The following ABL1 variants were observed in gnomAD, a reference collection of about 807,000 sequenced individuals.
ABL1 encodes ABL proto-oncogene 1, non-receptor tyrosine kinase.
In ABL1, 11 loss-of-function variants were observed where a neutral mutation model predicts 94.7. The ratio of observed to expected loss-of-function variants is 0.12; its 90% CI spans 0.07 to 0.19. The LOEUF (loss-of-function observed/expected upper bound fraction) is 0.19. Among genes scored for constraint, ABL1 ranks in the 10% least tolerant of loss-of-function variants. The probability of loss-of-function intolerance (pLI) is 1.00; values close to 1 mark genes in which losing one functional copy is unlikely to be tolerated. For synonymous variants in ABL1, 656 were observed against 622.4 expected, an observed-to-expected ratio of 1.05 and a Z score of -0.80; for missense variants, 1,082 against 1,489.4, an observed-to-expected ratio of 0.73 and a Z score of 4.50.
At chr9:130,877,383 T>C (rs781464557) in intron 7 of ABL1, among the ~76,000 whole-genome samples, 15 of 148,170 alleles carry the variant, frequency 1.0e-4, no homozygotes, top group Non-Finnish European at 1.9e-4. Flanking sequence ...ATGAAATGTT[T>C]AGAGTTAGAA....
In ABL1 at chr9:130,885,452, C is replaced by T. The variant is rs775473443; in HGVS notation, c.3162C>T (p.Ser1054=). The change falls in exon 11 of 11, where the codon AGC becomes AGT. Residue 1054 remains serine, a synonymous_variant. Coordinates refer to ENST00000318560, the MANE Select transcript of ABL1 (RefSeq NM_005157.6). The part of the protein sequence containing the change: ...SRNSEQMASH[S]AVLEAGKNLY... ...ACTCCGAGCAGATGGCCAGCCACAG[C>T]GCAGTGCTGGAGGCCGGCAAAAACC... is the stretch of plus-strand genomic sequence containing the variant. 1.9e-5 allele frequency: 31 copies of T among 1,613,816 alleles called. No homozygotes were observed. The highest frequency in any genetic ancestry group is 3.3e-5 in the Admixed American group (2 of 60,010).
chr9:130,864,959 C>G (rs1831131808), intron 4 of ABL1, among the ~76,000 whole-genome samples: 1 of 152,174 alleles, frequency 6.6e-6, no homozygotes, highest in South Asian at 2.1e-4. Flanking sequence ...TCGGGTTGTA[C>G]AACTTGACAT....
chr9:130,724,746 TTAAA>T, intron 1 of ABL1: 3 of 383,414 alleles, frequency 7.8e-6, no homozygotes, highest in South Asian at 3.8e-5. Flanking sequence ...AACCCTGTCT[TTAAA>T]AAAAAAAAAA....
chr9:130,724,771 G>T, intron 1 of ABL1: 1 of 246,304 alleles, frequency 4.1e-6, no homozygotes, highest in Admixed American at 4.7e-5. Flanking sequence ...AAAAAAAAAA[G>T]CAAATAAATT....
At chr9:130,826,939 G>A (rs1363370437) in intron 1 of ABL1, among the ~76,000 whole-genome samples, 5 of 152,180 alleles carry the variant, frequency 3.3e-5, no homozygotes, top group South Asian at 4.1e-4. Flanking sequence ...TTAGCCGGGC[G>A]TGGTGGCGGG....
chr9:130,862,654 A>C lies in ABL1; in HGVS notation c.550-109A>C. The C allele has an allele frequency of 8.1e-7, 1 of 1,228,562 alleles. No homozygotes were observed. The highest frequency in any genetic ancestry group is 1.1e-6 in the Non-Finnish European group (1 of 885,686). The allele number at this position is 1,228,562 out of a possible 1,614,324, so 76.1% of individuals were successfully genotyped here. ...CTCTGTCCTGTGTGGAGAGCTCCTT[A>C]TGTGAGATTTTGCTGTGTAGTGAAT... On this transcript the variant is annotated intron_variant, in intron 3 of 10. Transcript: ENST00000318560. This position sits in a 1 kb window ranked among gnomAD's most constrained non-coding sequence, Gnocchi z 5.5.
chr9:130,886,453 G>A lies in ABL1; in HGVS notation c.*770G>A. 1 of 233,604 alleles carries A rather than the reference G, an allele frequency of 4.3e-6. No individual in the cohort carries two copies. The highest frequency in any genetic ancestry group is 8.5e-6 in the Non-Finnish European group (1 of 118,058). 14.5% of individuals were successfully genotyped at this position (233,604 alleles called of 1,614,324 possible). A position where few individuals can be genotyped will look rare whatever the true frequency, so the allele number is the denominator to read the frequency against. ...CTTGCTCTCTTGTGACGTGCACTGTGAATCCTGGCAAGAAAGCTTGAGTCT... is the reference window on the plus strand; with the variant it reads ...CTTGCTCTCTTGTGACGTGCACTGTAAATCCTGGCAAGAAAGCTTGAGTCT... On this transcript the variant is annotated 3_prime_UTR_variant, in exon 11 of 11. Coordinates refer to ENST00000318560, the MANE Select transcript of ABL1 (RefSeq NM_005157.6).
chr9:130,719,654 G>A (rs1402909819), intron 1 of ABL1, among the ~76,000 whole-genome samples: 2 of 152,180 alleles, frequency 1.3e-5, no homozygotes. Context: ...CAATTTCTTT[G>A]GACCCTGGGT....
At chr9:130,714,627 G>T in intron 1 of ABL1, 1 of 877,326 alleles carries the variant, frequency 1.1e-6, no homozygotes. Flanking sequence ...AAGTTACTTC[G>T]TGACTTCGGC....
At chr9:130,793,204 G>T (rs1328162787) in intron 1 of ABL1, among the ~76,000 whole-genome samples, 3 of 152,192 alleles carry the variant, frequency 2.0e-5, no homozygotes, top group Admixed American at 6.5e-5. Context: ...GGGATTATAG[G>T]CATGAGCCAC....
Position 130,885,962 on chromosome 9 carries a change from C to T in ABL1, c.*279C>T, listed in dbSNP as rs904636114. ...GGACTGCAGTCGGCATGCCAGGACC[C>T]GCCAGCCCCGCTCCCACCTAGTGCC... is the stretch of plus-strand genomic sequence containing the variant. On this transcript the variant is annotated 3_prime_UTR_variant, in exon 11 of 11. Coordinates refer to ENST00000318560, the MANE Select transcript of ABL1 (RefSeq NM_005157.6). 29 of 451,682 alleles carry T rather than the reference C, an allele frequency of 6.4e-5. No individual in the cohort carries two copies. Among genetic ancestry groups the T allele is most frequent in the South Asian group, 2.8e-4 (9 of 31,886 alleles). The allele number at this position is 451,682 out of a possible 1,614,324, so 28.0% of individuals were successfully genotyped here.
chr9:130,760,810 G>T (rs556158077), intron 1 of ABL1, among the ~76,000 whole-genome samples: 1 of 132,266 alleles, frequency 7.6e-6, no homozygotes, highest in Non-Finnish European at 1.6e-5. Flanking sequence ...CTACAGGCAC[G>T]GGCCACAACA....
At chr9:130,765,969 T>G (rs1832177820) in intron 1 of ABL1, among the ~76,000 whole-genome samples, 1 of 152,216 alleles carries the variant, frequency 6.6e-6, no homozygotes, top group African/African-American at 2.4e-5. Context: ...GTCTCATATT[T>G]GAGTGCTTCC....
At chr9:130,883,857 G>A (rs1831509871) in intron 10 of ABL1, 112 bp from the exon 11 acceptor site, 3 of 1,323,306 alleles carry the variant, frequency 2.3e-6, no homozygotes, top group East Asian at 4.6e-5. Context: ...GTCTCACTCT[G>A]TCTCCTGGGC....
intron 1 of ABL1, among the ~76,000 whole-genome samples, chr9:130,714,817 C>A (rs765231136): frequency 1.5e-4 from 23 of 152,232 alleles, no homozygotes; most frequent in Non-Finnish European, 3.2e-4. Flanking sequence ...GTGGGCTCTT[C>A]TGACAAGCAT....
chr9:130,835,625 C>T lies in ABL1; in HGVS notation c.79+100C>T, dbSNP rs1328102027. On this transcript the variant is annotated intron_variant, in intron 1 of 10. Transcript: ENST00000318560. The surrounding 1 kb of genome is among the most constrained non-coding windows in gnomAD (Gnocchi z 4.6). ...GCCGCCCGCGCGCTCCCGCCTGCGC[C>T]CTCCCCGGGTCTTGTCTTTTTTTTC... 19 of 878,680 alleles carry T rather than the reference C, an allele frequency of 2.2e-5. No homozygotes were observed. The highest frequency in any genetic ancestry group is 3.1e-5 in the Non-Finnish European group (17 of 556,174). 54.4% of individuals were successfully genotyped at this position (878,680 alleles called of 1,614,324 possible). A position where few individuals can be genotyped will look rare whatever the true frequency, so the allele number is the denominator to read the frequency against.
In ABL1 at chr9:130,885,212, C is replaced by G. The variant is rs755506364; in HGVS notation, c.2922C>G (p.Thr974=). 6.2e-7 allele frequency: 1 copy of G among 1,613,562 alleles called. No individual in the cohort carries two copies. The highest frequency in any genetic ancestry group is 8.5e-7 in the Non-Finnish European group (1 of 1,179,990). ...CACAGTCCGCCAAGCCGTCGGGGACCCCCATCAGCCCAGCCCCCGTTCCCT... is the reference window on the plus strand; with the variant it reads ...CACAGTCCGCCAAGCCGTCGGGGACGCCCATCAGCCCAGCCCCCGTTCCCT... ...PKPQSAKPSG[T]PISPAPVPST... The change falls in exon 11 of 11, where the codon ACC becomes ACG. Residue 974 remains threonine, a synonymous_variant. Coordinates refer to ENST00000318560, the MANE Select transcript of ABL1 (RefSeq NM_005157.6).
At chr9:130,760,345 T>C (rs1181214065) in intron 1 of ABL1, among the ~76,000 whole-genome samples, 6 of 152,172 alleles carry the variant, frequency 3.9e-5, no homozygotes. Context: ...CCTGTTCCTT[T>C]TGGGTTTGTA....
At chr9:130,723,404 G>A (rs949407725) in intron 1 of ABL1, among the ~76,000 whole-genome samples, 1 of 152,106 alleles carries the variant, frequency 6.6e-6, no homozygotes, top group Non-Finnish European at 1.5e-5. Flanking sequence ...AAGTTAGCTA[G>A]GCATAATAAT....
Sources: allele counts gnomAD v4.1 joint callset (sites outside exome capture counted in the v4.1 genomes callset), GRCh38; gene constraint gnomAD v4.1.1; non-coding constraint Gnocchi (gnomAD v3.1); transcripts MANE v1.5; gene names NCBI Gene and HGNC (gene_info 2026-07-23, HGNC 2026-07-21).